Variants in TMEM272 observed in about 807,000 individuals in gnomAD.
TMEM272 encodes the protein transmembrane protein 272, also known as long intergenic non-protein coding RNA 282.
In TMEM272, 8 loss-of-function variants were observed where a neutral mutation model predicts 3.7. That is an observed-to-expected ratio of 2.17 (90% CI 1.27 to 3.91). The LOEUF (loss-of-function observed/expected upper bound fraction) is 3.91. TMEM272 is among the 30% of genes most tolerant of loss of function. TMEM272 has a pLI of 0.00. For synonymous variants in TMEM272, 63 were observed against 39.8 expected (o/e 1.58, Z -2.20); for missense variants, 166 against 91.5 (o/e 1.81, Z -3.32).
chr13:51,864,804 A>G, the TMEM272 span, among the ~76,000 whole-genome samples: 1 of 152,160 alleles, frequency 6.6e-6, no homozygotes, highest in Non-Finnish European at 1.5e-5. Context: ...GTCCCTGGAA[A>G]CATTCACCAT....
At chr13:51,866,080 G>T in the TMEM272 span, 1 of 1,567,400 alleles carries the variant, frequency 6.4e-7, no homozygotes, top group Non-Finnish European at 8.6e-7. Context: ...GCAGGGCGTA[G>T]CCAGCATGCA....
the TMEM272 span, among the ~76,000 whole-genome samples, chr13:51,862,636 A>G: frequency 6.6e-6 from 1 of 152,154 alleles, no homozygotes; most frequent in Admixed American, 6.5e-5. Context: ...GTGGGACAGG[A>G]AGGGCACATG....
the TMEM272 span, among the ~76,000 whole-genome samples, chr13:51,851,397 G>GAA: frequency 7.1e-6 from 1 of 141,546 alleles, no homozygotes. Context: ...AGGAGGAGGA[G>GAA]GAAGAAGAAG....
the TMEM272 span, among the ~76,000 whole-genome samples, chr13:51,919,597 C>G: frequency 6.6e-6 from 1 of 152,118 alleles, no homozygotes; most frequent in South Asian, 2.1e-4. Context: ...TGTGTTTTCC[C>G]CATATTGATA....
the TMEM272 span, chr13:51,865,292 T>C: frequency 1.8e-6 from 2 of 1,089,774 alleles, no homozygotes; most frequent in South Asian, 1.6e-5. Flanking sequence ...TCCCCTGGCA[T>C]GTGATACTCA....
chr13:51,839,487 C>A (rs929587431), intron 1 of TMEM272, among the ~76,000 whole-genome samples: 1 of 152,106 alleles, frequency 6.6e-6, no homozygotes, highest in Admixed American at 6.5e-5. Flanking sequence ...TTACTTCATA[C>A]AAAAGTCTCC....
At chr13:51,920,800 C>A in the TMEM272 span, among the ~76,000 whole-genome samples, 4 of 152,220 alleles carry the variant, frequency 2.6e-5, no homozygotes, top group Admixed American at 1.3e-4. Flanking sequence ...TCATGAAGGG[C>A]AGGAGCCTTG....
chr13:51,890,084 C>G, the TMEM272 span, among the ~76,000 whole-genome samples: 2 of 152,130 alleles, frequency 1.3e-5, no homozygotes, highest in African/African-American at 4.8e-5. Context: ...TGTGAGGGAC[C>G]TCAGCTCAGA....
chr13:51,856,163 T>G, the TMEM272 span, among the ~76,000 whole-genome samples: 1 of 152,160 alleles, frequency 6.6e-6, no homozygotes, highest in Non-Finnish European at 1.5e-5. Context: ...GAGTCCACAT[T>G]TGGGTGGGGC....
intron 2 of TMEM272, among the ~76,000 whole-genome samples, chr13:51,834,956 CAGAG>C (rs1337435199): frequency 5.3e-5 from 8 of 152,300 alleles, no homozygotes; most frequent in Admixed American, 1.3e-4. Context: ...GAGAGCTTGA[CAGAG>C]AGAGTGCCAG....
At chr13:51,917,010 C>A in the TMEM272 span, among the ~76,000 whole-genome samples, 1 of 152,192 alleles carries the variant, frequency 6.6e-6, no homozygotes, top group Non-Finnish European at 1.5e-5. Flanking sequence ...CGGAGGAGGA[C>A]AAGTAAGGCC....
At chr13:51,879,794 T>C in the TMEM272 span, among the ~76,000 whole-genome samples, 1 of 152,140 alleles carries the variant, frequency 6.6e-6, no homozygotes, top group African/African-American at 2.4e-5. Context: ...TAAGACTTAA[T>C]TTCAACAGAA....
At chr13:51,853,152 A>C in the TMEM272 span, among the ~76,000 whole-genome samples, 1 of 152,204 alleles carries the variant, frequency 6.6e-6, no homozygotes, top group Non-Finnish European at 1.5e-5. Flanking sequence ...CATACCTGTA[A>C]TCCCAGCACT....
At chr13:51,922,217 T>A in the TMEM272 span, among the ~76,000 whole-genome samples, 1 of 152,138 alleles carries the variant, frequency 6.6e-6, no homozygotes, top group African/African-American at 2.4e-5. Flanking sequence ...GCCCTTTTCT[T>A]AATGACTCAC....
upstream of TMEM272, among the ~76,000 whole-genome samples, chr13:51,848,393 T>A (rs747069861): frequency 5.9e-5 from 9 of 152,154 alleles, 1 homozygote; most frequent in Non-Finnish European, 1.0e-4. Context: ...TATTGCCATA[T>A]GAATAAAGGG....
the TMEM272 span, among the ~76,000 whole-genome samples, chr13:51,870,024 G>T: frequency 6.6e-6 from 1 of 152,182 alleles, no homozygotes; most frequent in East Asian, 1.9e-4. Context: ...ACCCTCTCTG[G>T]ATTCGACAGC....
At chr13:51,833,298 T>A (rs980162098) in intron 2 of TMEM272, among the ~76,000 whole-genome samples, 1 of 152,048 alleles carries the variant, frequency 6.6e-6, no homozygotes, top group Admixed American at 6.5e-5. Flanking sequence ...TGCATAAGGG[T>A]ATCTGGATTT....
intron 2 of TMEM272, among the ~76,000 whole-genome samples, chr13:51,835,724 A>G (rs8002015): frequency 2.6e-5 from 4 of 152,084 alleles, no homozygotes; most frequent in African/African-American, 9.7e-5. Context: ...TAAAAGACAT[A>G]TTAATTATGA....
chr13:51,909,148 T>C, the TMEM272 span: 1 of 1,427,226 alleles, frequency 7.0e-7, no homozygotes, highest in Non-Finnish European at 9.9e-7. Flanking sequence ...AAAAGTTTAA[T>C]TTTAAACTCT....
Sources: allele counts gnomAD v4.1 joint callset (sites outside exome capture counted in the v4.1 genomes callset), GRCh38; gene constraint gnomAD v4.1.1; transcripts MANE v1.5; gene names NCBI Gene and HGNC (gene_info 2026-07-23, HGNC 2026-07-21).